Variants in CTNNA1 observed in about 807,000 individuals in gnomAD.
CTNNA1 encodes the protein catenin alpha 1.
In CTNNA1, 37 loss-of-function variants were observed where a neutral mutation model predicts 98.4. That is an observed-to-expected ratio of 0.38 (90% CI 0.29 to 0.49). CTNNA1 has a LOEUF of 0.49. Among genes scored for constraint, CTNNA1 ranks in the 20% least tolerant of loss-of-function variants. The probability of loss-of-function intolerance (pLI) is 0.95; values close to 1 mark genes in which losing one functional copy is unlikely to be tolerated. For synonymous variants in CTNNA1, 404 were observed against 413.2 expected (o/e 0.98, Z 0.27); for missense variants, 761 against 1,147.2 (o/e 0.66, Z 4.86).
At chr5:138,821,830 A>T (rs556566459) in intron 5 of CTNNA1, among the ~76,000 whole-genome samples, 2 of 152,282 alleles carry the variant, frequency 1.3e-5, no homozygotes, top group Admixed American at 1.3e-4. Context: ...ATAATCTATT[A>T]TGTTGCTTAA....
At position 138,917,828 on chromosome 5, in the gene CTNNA1, A is replaced by G. The variant is rs1304802844; in HGVS notation, c.1476A>G (p.Glu492=). The G allele has an allele frequency of 3.1e-6, 5 of 1,614,228 alleles. No individual in the cohort carries two copies. Among genetic ancestry groups the G allele is most frequent in the Non-Finnish European group, 4.2e-6 (5 of 1,180,038 alleles). ...TGGATCTTTTTAAAGAACAATGGGA[A>G]AAACAAGTCCGTGTTCTCACAGATG... ...ENMDLFKEQW[E]KQVRVLTDAV... is the part of the protein sequence containing the mutation. The change falls in exon 11 of 18, where the codon GAA becomes GAG. Residue 492 remains glutamate, a synonymous_variant. Transcript: ENST00000302763.
intron 7 of CTNNA1, among the ~76,000 whole-genome samples, chr5:138,845,874 A>G (rs6880786): frequency 0.69 from 104,790 of 151,938 alleles, 36,303 homozygotes; most frequent in East Asian, 0.93. Flanking sequence ...ATATTCACAT[A>G]TAGATATAGG....
intron 10 of CTNNA1, 104 bp from the exon 11 acceptor site, chr5:138,917,638 A>G: frequency 1.8e-6 from 2 of 1,142,266 alleles, no homozygotes; most frequent in African/African-American, 1.5e-5. Context: ...TCTTTGTGAT[A>G]GTTAGGATAG....
rs1455520969 is a variant in CTNNA1, at chr5:138,925,399, A to G, written c.1891A>G (p.Met631Val). The G allele has an allele frequency of 1.2e-6, 2 of 1,613,944 alleles. No homozygotes were observed. Among genetic ancestry groups the G allele is most frequent in the Non-Finnish European group, 1.7e-6 (2 of 1,180,012 alleles). The change falls in exon 13 of 18, where the codon ATG (methionine) becomes GTG (valine). Residue 631 changes from methionine (M) to valine (V), a missense_variant. This residue lies in a region of CTNNA1 where 287 missense variants were observed against 436.0 expected (regional missense o/e 0.66). Coordinates refer to ENST00000302763, the MANE Select transcript of CTNNA1 (RefSeq NM_001903.5). ...GIRDIRKAVLMIRTPEELDDS... is the reference protein window; with the variant it reads ...GIRDIRKAVLVIRTPEELDDS... ...CCGGGACATCAGGAAAGCAGTGCTG[A>G]TGATAAGGGTGAGTAACTGCATTTC...
rs1373852197 is a variant in CTNNA1 at position 138,873,341 on chromosome 5, G to C, written c.1063-12871G>C. 1 of 1,614,040 alleles carries C rather than the reference G, an allele frequency of 6.2e-7. No individual in the cohort carries two copies. The highest frequency in any genetic ancestry group is 1.7e-5 in the Admixed American group (1 of 60,032). ...GTCTGGTTCAGGAAAGTGTTCCTCG[G>C]TAGTAACTGCTATGCCTGCAGTAGT... On this transcript the variant is annotated intron_variant, in intron 7 of 17. Transcript: ENST00000302763. This position sits in a 1 kb window ranked among gnomAD's most constrained non-coding sequence, Gnocchi z 6.1.
rs142503438 is a variant in CTNNA1 at position 138,925,290 on chromosome 5, C to T, written c.1782C>T (p.Ala594=). Residue 594 remains alanine (A), a synonymous_variant, in exon 13 of 18, where the codon GCC becomes GCT. Transcript: ENST00000302763. ...MPRFTEQVEA[A]VEALSSDPAQ... is the part of the protein sequence containing the mutation. ...GTTTTACTGAGCAAGTAGAAGCAGC[C>T]GTGGAAGCCCTCAGCTCGGACCCTG... 562 of 1,614,048 alleles carry T rather than the reference C, an allele frequency of 3.5e-4. 1 individual carries two copies. The highest frequency in any genetic ancestry group is 6.6e-4 in the Middle Eastern group (4 of 6,054).
At chr5:138,894,646 T>G (rs961262538) in intron 9 of CTNNA1, among the ~76,000 whole-genome samples, 1 of 127,452 alleles carries the variant, frequency 7.8e-6, no homozygotes, top group African/African-American at 3.4e-5. Context: ...GCCTCCTGAT[T>G]ATGATTATGA....
chr5:138,756,773 A>G (rs1402736934), intron 1 of CTNNA1, among the ~76,000 whole-genome samples: 3 of 151,826 alleles, frequency 2.0e-5, no homozygotes, highest in Non-Finnish European at 2.9e-5. Context: ...CCTTTTTAAG[A>G]CTCCTGCTAG....
intron 3 of CTNNA1, among the ~76,000 whole-genome samples, chr5:138,794,039 A>T (rs1756662610): frequency 7.5e-6 from 1 of 132,998 alleles, no homozygotes; most frequent in Non-Finnish European, 1.6e-5. Flanking sequence ...TTTTTTTAAG[A>T]CGGAGTCTTG....
chr5:138,927,202 A>C (rs1203813219), intron 13 of CTNNA1, among the ~76,000 whole-genome samples: 1 of 152,182 alleles, frequency 6.6e-6, no homozygotes, highest in Non-Finnish European at 1.5e-5. Context: ...GATTTCTGTA[A>C]GCTTCAATCA....
At chr5:138,825,482 G>GTTTTGTTTTTTTTTTTTTT (rs1760581190) in intron 6 of CTNNA1, among the ~76,000 whole-genome samples, 4 of 74,114 alleles carry the variant, frequency 5.4e-5, no homozygotes, top group African/African-American at 2.3e-4. Context: ...AGCAGTATAA[G>GTTTTGTTTTTTTTTTTTTT]TTTTTTTTTT....
In CTNNA1 at chr5:138,788,587, C is replaced by A. The variant is rs528643907; in HGVS notation, c.301+5215C>A. 8.5e-5 allele frequency among the ~76,000 whole-genome samples: 13 copies of A among 152,134 alleles called. No homozygotes were observed. The East Asian group carries it at 2.5e-3, about 29-fold the overall frequency. On this transcript the variant is annotated intron_variant, in intron 3 of 17. Coordinates refer to ENST00000302763, the MANE Select transcript of CTNNA1 (RefSeq NM_001903.5). ...ACCTCATACTCATTAGCAGACATTC[C>A]CCATACATGTACATTTTAACAGTAG...
intron 9 of CTNNA1, among the ~76,000 whole-genome samples, chr5:138,892,710 C>T (rs1180416254): frequency 6.6e-6 from 1 of 151,666 alleles, no homozygotes; most frequent in African/African-American, 2.4e-5. Flanking sequence ...TTTTAATGTG[C>T]CTACTAAAAA....
At chr5:138,810,658 C>T (rs1758589567) in intron 4 of CTNNA1, among the ~76,000 whole-genome samples, 1 of 152,178 alleles carries the variant, frequency 6.6e-6, no homozygotes, top group Admixed American at 6.5e-5. Context: ...TTTCTTAGTA[C>T]AGAACAAAAT....
rs749980248 is a variant in CTNNA1 at position 138,824,660 on chromosome 5, A to G, written c.719A>G (p.Asn240Ser). 3.1e-6 allele frequency: 5 copies of G among 1,614,122 alleles called. No homozygotes were observed. The highest frequency in any genetic ancestry group is 2.7e-5 in the African/African-American group (2 of 74,944). Residue 240 changes from asparagine to serine, a missense_variant, in exon 6 of 18, where the codon AAC becomes AGC. Physicochemically the swap from Asn to Ser is conservative, Grantham distance 46. Around this residue, in one of 6 missense-constraint regions of CTNNA1, gnomAD observed 328 missense variants for 354.3 expected, o/e 0.93. Coordinates refer to ENST00000302763, the MANE Select transcript of CTNNA1 (RefSeq NM_001903.5). ...QHPDVAAYKA[N>S]RDLIYKQLQQ... is the part of the protein sequence containing the mutation. ...CCTGATGTCGCAGCCTATAAGGCCAACAGGGACCTGATATACAAGCAGCTG... is the reference window on the plus strand; with the variant it reads ...CCTGATGTCGCAGCCTATAAGGCCAGCAGGGACCTGATATACAAGCAGCTG...
chr5:138,780,051 T>C (rs1251157417), intron 1 of CTNNA1, among the ~76,000 whole-genome samples: 1 of 152,224 alleles, frequency 6.6e-6, no homozygotes, highest in Non-Finnish European at 1.5e-5. Flanking sequence ...TTATAACTTT[T>C]AATGTTTATA....
At chr5:138,898,005 C>G (rs923197282) in intron 9 of CTNNA1, among the ~76,000 whole-genome samples, 1 of 152,136 alleles carries the variant, frequency 6.6e-6, no homozygotes, top group Non-Finnish European at 1.5e-5. Context: ...GTATTTGTCC[C>G]TGCCCAAATC....
At chr5:138,758,401 C>T (rs895485772) in intron 1 of CTNNA1, among the ~76,000 whole-genome samples, 21 of 141,592 alleles carry the variant, frequency 1.5e-4, no homozygotes, top group Non-Finnish European at 2.8e-4. Context: ...GTTGTTGAGA[C>T]GGAGTCTCGC....
chr5:138,810,146 G>A lies in CTNNA1; in HGVS notation c.410G>A (p.Arg137Gln), dbSNP rs374142395. The stretch of plus-strand genomic sequence containing the variant: ...CGAGCTTTGCTCTCTGCTGTTACCC[G>A]GTTGCTGATTTTGGCTGACATGGCA... ...AARALLSAVTRLLILADMADV... is the reference protein window; with the variant it reads ...AARALLSAVTQLLILADMADV... Residue 137 changes from arginine (R) to glutamine (Q), a missense_variant, in exon 4 of 18, where the codon CGG becomes CAG. Coordinates refer to ENST00000302763, the MANE Select transcript of CTNNA1 (RefSeq NM_001903.5). 2.2e-5 allele frequency: 35 copies of A among 1,614,176 alleles called. No individual in the cohort carries two copies. The highest frequency in any genetic ancestry group is 1.6e-4 in the Middle Eastern group (1 of 6,062).
Sources: allele counts gnomAD v4.1 joint callset (sites outside exome capture counted in the v4.1 genomes callset), GRCh38; gene constraint gnomAD v4.1.1; regional missense constraint gnomAD v4.1.1; non-coding constraint Gnocchi (gnomAD v3.1); transcripts MANE v1.5; gene names NCBI Gene and HGNC (gene_info 2026-07-23, HGNC 2026-07-21).